CERS6: variants seen among roughly 807,000 people sequenced by gnomAD.
The protein encoded by CERS6 is LAG1 homolog, ceramide synthase 6.
Under a neutral mutation model 56.8 loss-of-function variants are expected in CERS6, and 26 were observed. The observed-to-expected ratio is 0.46, with a 90% CI of 0.34 to 0.63. The LOEUF (loss-of-function observed/expected upper bound fraction) is 0.63. CERS6 is among the 30% of genes least tolerant of loss of function. CERS6 has a pLI of 0.01. For missense variants in CERS6, 415 were observed against 467.5 expected (o/e 0.89, Z 1.04); for synonymous variants, 164 against 173.3 (o/e 0.95, Z 0.42).
chr2:168,517,362 C>T (rs11894698), intron 1 of CERS6, among the ~76,000 whole-genome samples: 5,743 of 151,648 alleles, frequency 0.038, 191 homozygotes, highest in East Asian at 0.18. Flanking sequence ...CATTGTGGGG[C>T]GTGCCTGTAA....
chr2:168,611,577 T>A (rs1028219090), intron 3 of CERS6, among the ~76,000 whole-genome samples: 1 of 152,258 alleles, frequency 6.6e-6, no homozygotes, highest in African/African-American at 2.4e-5. Context: ...TTTATCCGTG[T>A]ATCATGTCTT....
chr2:168,764,605 A>T (rs542452704), intron 8 of CERS6, among the ~76,000 whole-genome samples: 42 of 152,106 alleles, frequency 2.8e-4, no homozygotes, highest in African/African-American at 1.0e-3. Flanking sequence ...CCTAGGTCTC[A>T]CTCATATTCT....
At chr2:168,742,428 G>A (rs1242343631) in intron 8 of CERS6, among the ~76,000 whole-genome samples, 1 of 152,154 alleles carries the variant, frequency 6.6e-6, no homozygotes, top group African/African-American at 2.4e-5. Context: ...TGGCCACGAG[G>A]GACACTCTGG....
At chr2:168,550,665 G>A (rs1169512349) in intron 2 of CERS6, among the ~76,000 whole-genome samples, 1 of 152,182 alleles carries the variant, frequency 6.6e-6, no homozygotes, top group Non-Finnish European at 1.5e-5. Context: ...GGTCAGGGGA[G>A]CAGAGAAATA....
Position 168,773,866 on chromosome 2 carries a change from T to G in CERS6, c.*4204T>G, listed in dbSNP as rs1684927812. On this transcript the variant is annotated 3_prime_UTR_variant, in exon 10 of 10. Transcript: ENST00000305747. ...GTTTGCCTCCATGTGCACTGGCCCCTCCCCACCCCTAGGGGGCACTCAGTA... is the reference window on the plus strand; with the variant it reads ...GTTTGCCTCCATGTGCACTGGCCCCGCCCCACCCCTAGGGGGCACTCAGTA... 1 of 152,088 alleles carries G rather than the reference T, an allele frequency of 6.6e-6. No individual in the cohort carries two copies. The highest frequency in any genetic ancestry group is 2.1e-4 in the South Asian group (1 of 4,814). The allele number at this position is 152,088 out of a possible 1,614,324, so 9.4% of individuals were successfully genotyped here. A position where few individuals can be genotyped will look rare whatever the true frequency, so the allele number is the denominator to read the frequency against.
In CERS6 at chr2:168,556,253, T is replaced by G. The variant is rs1695677300; in HGVS notation, c.277-4939T>G. Among the ~76,000 whole-genome samples, 6 of 152,260 alleles carry G rather than the reference T, an allele frequency of 3.9e-5. No homozygotes were observed. In the South Asian group the frequency reaches 1.2e-3, roughly 32 times the overall value. Reference sequence around the variant, plus strand: ...AGAGACCAAATTTTGTTGTTAATATTGATAAAGAAATCCTAAATAAAAAAT... The same window carrying G: ...AGAGACCAAATTTTGTTGTTAATATGGATAAAGAAATCCTAAATAAAAAAT... On this transcript the variant is annotated intron_variant, in intron 2 of 9. Transcript: ENST00000305747.
intron 6 of CERS6, among the ~76,000 whole-genome samples, chr2:168,700,687 A>G (rs1686784459): frequency 1.3e-5 from 2 of 152,158 alleles, no homozygotes; most frequent in Non-Finnish European, 2.9e-5. Flanking sequence ...CACCACTCCT[A>G]ATTCGATGTG....
intron 1 of CERS6, among the ~76,000 whole-genome samples, chr2:168,521,648 G>A (rs1694985338): frequency 6.6e-6 from 1 of 152,186 alleles, no homozygotes; most frequent in Non-Finnish European, 1.5e-5. Flanking sequence ...CACTGAGTCA[G>A]AGGTGAAAGA....
At chr2:168,716,480 T>A (rs1574186122) in intron 7 of CERS6, among the ~76,000 whole-genome samples, 1 of 152,000 alleles carries the variant, frequency 6.6e-6, no homozygotes, top group African/African-American at 2.4e-5. Context: ...GAAAAAAAAA[T>A]TCAGAAATCT....
chr2:168,513,933 G>T (rs994900919), intron 1 of CERS6, among the ~76,000 whole-genome samples: 2 of 151,908 alleles, frequency 1.3e-5, no homozygotes, highest in Admixed American at 1.3e-4. Flanking sequence ...CCTTCTCTTC[G>T]TCCCTATTCT....
At chr2:168,668,086 G>A (rs1685810535) in intron 4 of CERS6, among the ~76,000 whole-genome samples, 1 of 152,206 alleles carries the variant, frequency 6.6e-6, no homozygotes, top group Non-Finnish European at 1.5e-5. Flanking sequence ...GCTTTATTGA[G>A]TAATTGGTGT....
chr2:168,505,456 A>C (rs940845041), intron 1 of CERS6, among the ~76,000 whole-genome samples: 29 of 151,912 alleles, frequency 1.9e-4, no homozygotes, highest in African/African-American at 6.8e-4. Flanking sequence ...TCCCTATCAG[A>C]TAGATAGAAG....
chr2:168,692,531 C>G (rs1686531641), intron 5 of CERS6, among the ~76,000 whole-genome samples: 1 of 152,052 alleles, frequency 6.6e-6, no homozygotes, highest in Non-Finnish European at 1.5e-5. Context: ...ACTGTAGATT[C>G]AACATGAAAG....
chr2:168,466,401 A>G (rs191613599), intron 1 of CERS6, among the ~76,000 whole-genome samples: 2 of 152,324 alleles, frequency 1.3e-5, no homozygotes, highest in Admixed American at 1.3e-4. Flanking sequence ...GGTATATCCT[A>G]TGGAAGCTCT....
chr2:168,534,740 A>T (rs1695229640), intron 1 of CERS6, among the ~76,000 whole-genome samples: 1 of 152,188 alleles, frequency 6.6e-6, no homozygotes, highest in Non-Finnish European at 1.5e-5. Flanking sequence ...CGTTTAACAA[A>T]GCACTTTGTC....
chr2:168,738,773 C>T (rs981322299), intron 8 of CERS6, among the ~76,000 whole-genome samples: 14 of 152,190 alleles, frequency 9.2e-5, no homozygotes, highest in African/African-American at 3.4e-4. Flanking sequence ...TACCCGTGCT[C>T]CAGAAGCTTG....
chr2:168,535,628 A>T (rs1211850676), intron 1 of CERS6, among the ~76,000 whole-genome samples: 3 of 144,354 alleles, frequency 2.1e-5, no homozygotes, highest in African/African-American at 7.8e-5. Flanking sequence ...CACTGTTTAT[A>T]GTCGGCCATC....
intron 3 of CERS6, among the ~76,000 whole-genome samples, chr2:168,562,933 C>T (rs1695817715): frequency 6.6e-6 from 1 of 152,184 alleles, no homozygotes; most frequent in African/African-American, 2.4e-5. Context: ...TGGTTTTGAG[C>T]CACGAGTCTG....
chr2:168,721,554 G>GTT (rs5836196), intron 8 of CERS6, among the ~76,000 whole-genome samples: 2,250 of 77,314 alleles, frequency 0.029, 43 homozygotes, highest in Non-Finnish European at 0.037. Flanking sequence ...TTTTGTTTTT[G>GTT]TTTTTTTTTT....
Sources: gnomAD v4.1 joint callset for allele counts (sites outside exome capture counted in the v4.1 genomes callset) on GRCh38, gnomAD v4.1.1 for gene constraint, MANE v1.5 for transcripts, NCBI Gene and HGNC (gene_info 2026-07-23, HGNC 2026-07-21) for gene names.